NBAS: variants seen among roughly 807,000 people sequenced by gnomAD.
The protein encoded by NBAS is NAG/BC035112 fusion.
In NBAS, 219 loss-of-function variants were observed where a neutral mutation model predicts 302.5. The observed-to-expected ratio is 0.72, with a 90% confidence interval of 0.65 to 0.81. The LOEUF (loss-of-function observed/expected upper bound fraction) is 0.81. Ranked by LOEUF, NBAS falls within the 30% of genes least tolerant of loss-of-function variation. The probability of loss-of-function intolerance (pLI) is 0.00; values close to 1 mark genes in which losing one functional copy is unlikely to be tolerated. For synonymous variants in NBAS, 1,118 were observed against 1,021.6 expected (o/e 1.09, Z -1.80); for missense variants, 2,932 against 2,841.6 (o/e 1.03, Z -0.72).
chr2:15,505,607 G>T (rs1035428455), intron 10 of NBAS, among the ~76,000 whole-genome samples: 1 of 152,166 alleles, frequency 6.6e-6, no homozygotes, highest in Non-Finnish European at 1.5e-5. Flanking sequence ...TTTGAACTTT[G>T]CTATACTGAC....
chr2:15,098,674 T>TTA, the NBAS span, among the ~76,000 whole-genome samples: 5 of 136,654 alleles, frequency 3.7e-5, no homozygotes, highest in African/African-American at 5.5e-5. Flanking sequence ...ATACATTATA[T>TTA]TATATATTAT....
At chr2:15,312,598 G>A (rs1919291) in intron 38 of NBAS, among the ~76,000 whole-genome samples, 150,998 of 152,306 alleles carry the variant, frequency 0.99, 74,851 homozygotes, top group Middle Eastern at 1. Context: ...CTTAAATTCA[G>A]CTGGTACCCT....
At chr2:15,344,904 C>G (rs1234280137) in intron 35 of NBAS, among the ~76,000 whole-genome samples, 1 of 152,074 alleles carries the variant, frequency 6.6e-6, no homozygotes, top group Non-Finnish European at 1.5e-5. Flanking sequence ...GAACCAATGA[C>G]AAAAACCACA....
chr2:14,787,417 CG>C, the NBAS span, among the ~76,000 whole-genome samples: 2 of 152,148 alleles, frequency 1.3e-5, no homozygotes, highest in African/African-American at 4.8e-5. Context: ...TTCCTAGCCT[CG>C]ATGGTCTTTA....
the NBAS span, among the ~76,000 whole-genome samples, chr2:14,826,825 G>A: frequency 3.3e-5 from 5 of 152,288 alleles, no homozygotes; most frequent in African/African-American, 7.2e-5. Context: ...ACTCACAGGC[G>A]CTAGGAAGAA....
the NBAS span, among the ~76,000 whole-genome samples, chr2:15,030,762 T>C: frequency 1.3e-5 from 2 of 152,218 alleles, no homozygotes; most frequent in African/African-American, 4.8e-5. Flanking sequence ...ACATTCTTTG[T>C]TGTGGGGACT....
chr2:14,829,372 T>A, the NBAS span, among the ~76,000 whole-genome samples: 7 of 152,160 alleles, frequency 4.6e-5, no homozygotes, highest in Non-Finnish European at 1.0e-4. Flanking sequence ...GCACAGCTAG[T>A]ACCAATCTTC....
intron 21 of NBAS, among the ~76,000 whole-genome samples, chr2:15,440,355 A>C (rs139868166): frequency 1.3e-5 from 2 of 152,112 alleles, no homozygotes. Flanking sequence ...GTTCACGAAA[A>C]ACCGCTATTC....
intron 21 of NBAS, among the ~76,000 whole-genome samples, chr2:15,432,713 A>G (rs971515470): frequency 8.5e-5 from 13 of 152,180 alleles, no homozygotes; most frequent in African/African-American, 3.1e-4. Context: ...CTGGCAAGTA[A>G]AGAATAAAAA....
Position 15,232,488 on chromosome 2 carries a change from C to T in NBAS, c.6170G>A (p.Gly2057Glu). Reference protein sequence around the residue: ...ALSGGSADLGGPRDPLKVLEG... With the variant: ...ALSGGSADLGEPRDPLKVLEG... ...CAGGACCTTCAGTGGGTCCCTTGGC[C>T]CACCAAGGTCAGCACTGCCACCACT... The change falls in exon 47 of 52, where the codon GGG (glycine) becomes GAG (glutamate). Residue 2057 changes from glycine (G) to glutamate (E), a missense_variant. By Grantham distance (98) the Gly-to-Glu change is moderately conservative (BLOSUM62 -2). Coordinates refer to ENST00000281513, the MANE Select transcript of NBAS (RefSeq NM_015909.4). 6.2e-7 allele frequency: 1 copy of T among 1,613,852 alleles called. No homozygotes were observed. Among genetic ancestry groups the T allele is most frequent in the Non-Finnish European group, 8.5e-7 (1 of 1,179,978 alleles).
the NBAS span, among the ~76,000 whole-genome samples, chr2:14,998,656 C>T: frequency 1.3e-5 from 2 of 152,170 alleles, no homozygotes; most frequent in African/African-American, 4.8e-5. Context: ...ACATTCTAGA[C>T]TTGTATGTGA....
chr2:15,324,128 T>C (rs912023630), intron 38 of NBAS, among the ~76,000 whole-genome samples: 1 of 152,130 alleles, frequency 6.6e-6, no homozygotes. Context: ...CAGGGTGCCA[T>C]CGGAGAGCAA....
intron 45 of NBAS, among the ~76,000 whole-genome samples, chr2:15,236,077 G>A (rs1049683575): frequency 6.6e-6 from 1 of 152,080 alleles, no homozygotes; most frequent in African/African-American, 2.4e-5. Flanking sequence ...GCTATATAAG[G>A]TGCCTTAATA....
chr2:14,864,758 C>A, the NBAS span, among the ~76,000 whole-genome samples: 1 of 152,114 alleles, frequency 6.6e-6, no homozygotes, highest in African/African-American at 2.4e-5. Context: ...CTCCCTGACT[C>A]AGTTAAAGCA....
At chr2:14,915,103 A>G in the NBAS span, among the ~76,000 whole-genome samples, 3 of 152,254 alleles carry the variant, frequency 2.0e-5, no homozygotes, top group Non-Finnish European at 4.4e-5. Flanking sequence ...CTTCCAGTGA[A>G]GGATGGAACT....
the NBAS span, among the ~76,000 whole-genome samples, chr2:14,925,410 G>A: frequency 6.6e-6 from 1 of 152,074 alleles, no homozygotes; most frequent in East Asian, 1.9e-4. Context: ...GCCCTGACTG[G>A]ACTAGGCTAC....
intron 9 of NBAS, among the ~76,000 whole-genome samples, chr2:15,527,504 C>G (rs1243724739): frequency 1.3e-5 from 2 of 152,174 alleles, no homozygotes; most frequent in Admixed American, 1.3e-4. Flanking sequence ...AAAATGGCAC[C>G]TTGTTGCTGC....
At chr2:15,280,177 G>C (rs981503577) in intron 42 of NBAS, among the ~76,000 whole-genome samples, 14 of 152,158 alleles carry the variant, frequency 9.2e-5, no homozygotes, top group Admixed American at 9.2e-4. Flanking sequence ...ATGGCTTCCA[G>C]ATGTCAGTCA....
rs574190163 is a variant in NBAS at position 15,523,026 on chromosome 2, G to A, written c.746+11517C>T. On this transcript the variant is annotated intron_variant, in intron 9 of 51. Transcript: ENST00000281513. ...ATCGATCATCTATCTGAAACGGTGC[G>A]CACCACAGCTGCAGATTCAACCTAT... Among the ~76,000 whole-genome samples the A allele has an allele frequency of 1.4e-4, 22 of 152,184 alleles. No individual in the cohort carries two copies. In the South Asian group the frequency reaches 2.3e-3, roughly 16 times the overall value.
Sources: allele counts gnomAD v4.1 joint callset (sites outside exome capture counted in the v4.1 genomes callset), GRCh38; gene constraint gnomAD v4.1.1; transcripts MANE v1.5; gene names NCBI Gene and HGNC (gene_info 2026-07-23, HGNC 2026-07-21).